ASTN1: variants seen among roughly 807,000 people sequenced by gnomAD.
ASTN1 encodes astrotactin-1.
In ASTN1, 41 loss-of-function variants were observed where a neutral mutation model predicts 140.7. The observed-to-expected ratio is 0.29, with a 90% CI of 0.23 to 0.38. The LOEUF (loss-of-function observed/expected upper bound fraction) is 0.38, where lower values mean the gene tolerates loss of function less well. ASTN1 is among the 10% of genes least tolerant of loss of function. The pLI is 1.00. For missense variants in ASTN1, 1,479 were observed against 1,678.8 expected (o/e 0.88, Z 2.08); for synonymous variants, 640 against 652.2 (o/e 0.98, Z 0.29).
At chr1:176,889,665 C>T (rs1669183545) in intron 17 of ASTN1, among the ~76,000 whole-genome samples, 1 of 152,160 alleles carries the variant, frequency 6.6e-6, no homozygotes, top group Admixed American at 6.5e-5. Flanking sequence ...CTCTAGGAAA[C>T]AGAAACCAAT....
chr1:176,872,040 T>C (rs1463226321), intron 21 of ASTN1, among the ~76,000 whole-genome samples: 2 of 152,102 alleles, frequency 1.3e-5, no homozygotes, highest in African/African-American at 4.8e-5. Flanking sequence ...CCAGACACCA[T>C]GGCATCAAAT....
intron 1 of ASTN1, among the ~76,000 whole-genome samples, chr1:177,144,427 T>G (rs1682624816): frequency 6.6e-6 from 1 of 150,814 alleles, no homozygotes; most frequent in Admixed American, 6.6e-5. Flanking sequence ...TAGTTTTTTG[T>G]ATTTTTAGTA....
rs565336639 is a variant in ASTN1, at chr1:177,108,029, A to T, written c.284-46764T>A. Among the ~76,000 whole-genome samples, 4 of 152,268 alleles carry T rather than the reference A, an allele frequency of 2.6e-5. No homozygotes were observed. In the South Asian group the frequency reaches 8.3e-4, roughly 32 times the overall value. ...AAATATATTCTGAACATGTATAAAA[A>T]TATGCTCACCCTTCATCTGTTAAGA... On this transcript the variant is annotated intron_variant, in intron 1 of 22. Coordinates refer to ENST00000361833, the MANE Select transcript of ASTN1 (RefSeq NM_004319.3).
intron 1 of ASTN1, among the ~76,000 whole-genome samples, chr1:177,094,041 C>A (rs1184965782): frequency 6.6e-6 from 1 of 152,186 alleles, no homozygotes; most frequent in Non-Finnish European, 1.5e-5. Flanking sequence ...GCAACTCCTG[C>A]AACTCAGATA....
intron 1 of ASTN1, among the ~76,000 whole-genome samples, chr1:177,066,882 G>A (rs931311369): frequency 5.9e-5 from 9 of 152,258 alleles, no homozygotes; most frequent in African/African-American, 2.2e-4. Flanking sequence ...GAGTACTAAT[G>A]AGGCTGCTGT....
chr1:176,937,022 G>A (rs1442076038), intron 14 of ASTN1, among the ~76,000 whole-genome samples: 1 of 152,200 alleles, frequency 6.6e-6, no homozygotes, highest in Non-Finnish European at 1.5e-5. Context: ...AAGACACCAG[G>A]TAAGCCAGGA....
At chr1:177,117,945 A>G (rs1681179936) in intron 1 of ASTN1, among the ~76,000 whole-genome samples, 2 of 152,230 alleles carry the variant, frequency 1.3e-5, no homozygotes, top group South Asian at 4.1e-4. Context: ...ATGTTTATTT[A>G]TCCTATCAAT....
At chr1:176,909,911 G>A (rs1407584878) in intron 16 of ASTN1, among the ~76,000 whole-genome samples, 1 of 152,108 alleles carries the variant, frequency 6.6e-6, no homozygotes, top group Non-Finnish European at 1.5e-5. Flanking sequence ...TATTTCCAAG[G>A]CTTGTAGCGA....
At chr1:176,867,717 A>G (rs1440381179) in intron 22 of ASTN1, among the ~76,000 whole-genome samples, 2 of 152,206 alleles carry the variant, frequency 1.3e-5, no homozygotes, top group African/African-American at 4.8e-5. Context: ...AAGTAAGAAA[A>G]TAGAATGTCC....
Position 176,909,286 on chromosome 1 carries a change from T to C in ASTN1, c.2672-14456A>G, listed in dbSNP as rs533413625. 1.2e-3 allele frequency among the ~76,000 whole-genome samples: 176 copies of C among 152,328 alleles called. 1 individual carries two copies. Among genetic ancestry groups the C allele is most frequent in the Admixed American group, 3.3e-3 (51 of 15,304 alleles). ...CATAACTAGTTGGTGACAATGGGCTTCCATGTAAAGTTTTGATGCATGAGA... is the reference window on the plus strand; with the variant it reads ...CATAACTAGTTGGTGACAATGGGCTCCCATGTAAAGTTTTGATGCATGAGA... On this transcript the variant is annotated intron_variant, in intron 16 of 22. Coordinates refer to ENST00000361833, the MANE Select transcript of ASTN1 (RefSeq NM_004319.3).
chr1:176,859,882 C>G (rs1667913337), downstream of ASTN1, among the ~76,000 whole-genome samples: 1 of 152,178 alleles, frequency 6.6e-6, no homozygotes, highest in African/African-American at 2.4e-5. Flanking sequence ...TCAGGAGGAG[C>G]TTGCAGGGTG....
chr1:177,057,973 GAAC>G (rs1677895899), intron 2 of ASTN1, among the ~76,000 whole-genome samples: 2 of 152,160 alleles, frequency 1.3e-5, no homozygotes, highest in Admixed American at 6.6e-5. Context: ...GAGATTCTAG[GAAC>G]AACATCTTCA....
At chr1:177,080,256 G>A (rs1571753383) in intron 1 of ASTN1, among the ~76,000 whole-genome samples, 2 of 84,048 alleles carry the variant, frequency 2.4e-5, no homozygotes, top group African/African-American at 8.4e-5. Context: ...TATATCACCA[G>A]GCCAAAAAAA....
chr1:176,881,526 C>A (rs567910309), intron 20 of ASTN1, among the ~76,000 whole-genome samples: 2 of 152,164 alleles, frequency 1.3e-5, no homozygotes, highest in South Asian at 2.1e-4. Flanking sequence ...GTTTGAGATG[C>A]CTTACAGCAG....
At chr1:176,949,779 G>A (rs1571555231) in intron 11 of ASTN1, among the ~76,000 whole-genome samples, 1 of 152,346 alleles carries the variant, frequency 6.6e-6, no homozygotes, top group East Asian at 1.9e-4. Flanking sequence ...TTTTTTAAGT[G>A]TCTAAAGCCC....
intron 10 of ASTN1, 77 bp downstream of exon 10, chr1:176,958,268 G>T: frequency 1.3e-6 from 2 of 1,597,738 alleles, no homozygotes; most frequent in Non-Finnish European, 1.7e-6. Flanking sequence ...TCCTTCCCCA[G>T]CACCTAAAAC....
intron 15 of ASTN1, among the ~76,000 whole-genome samples, chr1:176,934,883 C>T (rs903468839): frequency 6.6e-6 from 1 of 152,118 alleles, no homozygotes. Context: ...ATACTGCCTT[C>T]AGACGTAGAC....
rs762804828 is a variant in ASTN1 at position 176,958,331 on chromosome 1, G to C, written c.1736+14C>G. ...CAAGCCAATTGCAGGCCTCAGTCCTGAAGCCAGACTCACCTGACCTCCACA... is the reference window on the plus strand; with the variant it reads ...CAAGCCAATTGCAGGCCTCAGTCCTCAAGCCAGACTCACCTGACCTCCACA... On this transcript the variant is annotated intron_variant, in intron 10 of 22. Coordinates refer to ENST00000361833, the MANE Select transcript of ASTN1 (RefSeq NM_004319.3). 6.2e-7 allele frequency: 1 copy of C among 1,613,620 alleles called. No individual in the cohort carries two copies. The highest frequency in any genetic ancestry group is 8.5e-7 in the Non-Finnish European group (1 of 1,179,806).
rs76099714 is a variant in ASTN1 at position 177,001,383 on chromosome 1, A to C, written c.1523+13408T>G. Among the ~76,000 whole-genome samples the C allele has an allele frequency of 5.4e-3, 818 of 152,320 alleles. 9 individuals are homozygous for C. The highest frequency in any genetic ancestry group is 6.3e-3 in the Non-Finnish European group (428 of 68,012). ...CTGTGACCAATGCAAAGCATCATCAATGTGAACAGGCCATCACTTATTGAG... is the reference window on the plus strand; with the variant it reads ...CTGTGACCAATGCAAAGCATCATCACTGTGAACAGGCCATCACTTATTGAG... On this transcript the variant is annotated intron_variant, in intron 8 of 22. Coordinates refer to ENST00000361833, the MANE Select transcript of ASTN1 (RefSeq NM_004319.3).
Sources: gnomAD v4.1 joint callset for allele counts (sites outside exome capture counted in the v4.1 genomes callset) on GRCh38, gnomAD v4.1.1 for gene constraint, MANE v1.5 for transcripts, NCBI Gene and HGNC (gene_info 2026-07-23, HGNC 2026-07-21) for gene names.